WWP2: variants seen among roughly 807,000 people sequenced by gnomAD.
The protein encoded by WWP2 is NEDD4-like E3 ubiquitin-protein ligase WWP2.
A neutral mutation model predicts 121.0 loss-of-function variants in WWP2; 57 were observed. The ratio of observed to expected loss-of-function variants is 0.47; its 90% CI spans 0.38 to 0.59. The LOEUF (loss-of-function observed/expected upper bound fraction) is 0.59, where lower values mean the gene tolerates loss of function less well. Ranked by LOEUF, WWP2 falls within the 20% of genes least tolerant of loss-of-function variation. The probability of loss-of-function intolerance (pLI) is 0.00; values close to 1 mark genes in which losing one functional copy is unlikely to be tolerated. For missense variants in WWP2, 962 were observed against 1,158.9 expected, an observed-to-expected ratio of 0.83 and a Z score of 2.47; for synonymous variants, 449 against 441.3, an observed-to-expected ratio of 1.02 and a Z score of -0.22.
chr16:69,899,387 T>A (rs1180415599), intron 8 of WWP2, among the ~76,000 whole-genome samples: 1 of 152,098 alleles, frequency 6.6e-6, no homozygotes, highest in African/African-American at 2.4e-5. Flanking sequence ...CATTCCACAT[T>A]TTATTTATTC....
chr16:69,874,538 A>G (rs2057701691), intron 7 of WWP2, among the ~76,000 whole-genome samples: 1 of 152,182 alleles, frequency 6.6e-6, no homozygotes, highest in South Asian at 2.1e-4. Context: ...TTATGTTGTC[A>G]CAACCATAAA....
chr16:69,770,909 G>T (rs968123503), intron 1 of WWP2, among the ~76,000 whole-genome samples: 5 of 151,562 alleles, frequency 3.3e-5, no homozygotes, highest in African/African-American at 1.2e-4. Flanking sequence ...GAGGTAGGAG[G>T]ATCGCTTGAG....
intron 4 of WWP2, among the ~76,000 whole-genome samples, chr16:69,815,441 CA>C (rs1332462027): frequency 6.6e-6 from 1 of 150,706 alleles, no homozygotes; most frequent in Non-Finnish European, 1.5e-5. Flanking sequence ...ATGATCATGG[CA>C]CTGTATTCTA....
At chr16:69,796,047 G>T (rs1021803326) in intron 2 of WWP2, among the ~76,000 whole-genome samples, 1 of 151,118 alleles carries the variant, frequency 6.6e-6, no homozygotes, top group Non-Finnish European at 1.5e-5. Context: ...GATGGGCATC[G>T]ATAGGACAAT....
At chr16:69,795,655 T>G (rs1351067934) in intron 2 of WWP2, among the ~76,000 whole-genome samples, 1 of 128,660 alleles carries the variant, frequency 7.8e-6, no homozygotes, top group Admixed American at 8.1e-5. Flanking sequence ...GGAGGTTTTT[T>G]TTTTTTTTTT....
chr16:69,925,426 T>C lies in WWP2; in HGVS notation c.1180-4T>C. 6.2e-7 allele frequency: 1 copy of C among 1,614,034 alleles called. No homozygotes were observed. The highest frequency in any genetic ancestry group is 2.2e-5 in the East Asian group (1 of 44,878). On this transcript the variant is annotated splice_region_variant and splice_polypyrimidine_tract_variant and intron_variant, in intron 10 of 23. Coordinates refer to ENST00000359154, the MANE Select transcript of WWP2 (RefSeq NM_001270454.2). This position sits in a 1 kb window ranked among gnomAD's most constrained non-coding sequence, Gnocchi z 4.0. ...CTGTGTTCTGCTGTGTTTCTTGTGTTTAGTCTTCGAGTGCTTCGACTGACC... is the reference window on the plus strand; with the variant it reads ...CTGTGTTCTGCTGTGTTTCTTGTGTCTAGTCTTCGAGTGCTTCGACTGACC...
chr16:69,841,174 G>A (rs188951418), intron 5 of WWP2, among the ~76,000 whole-genome samples: 85 of 152,322 alleles, frequency 5.6e-4, no homozygotes, highest in Non-Finnish European at 1.0e-3. Flanking sequence ...ACTGCTTCAG[G>A]TTTACAGTCT....
intron 9 of WWP2, among the ~76,000 whole-genome samples, chr16:69,915,643 G>A (rs1286898194): frequency 6.6e-6 from 1 of 152,194 alleles, no homozygotes; most frequent in Non-Finnish European, 1.5e-5. Flanking sequence ...AGAGTTGAAA[G>A]TGGTTGCCTT....
intron 6 of WWP2, among the ~76,000 whole-genome samples, chr16:69,857,365 T>G (rs576985566): frequency 5.9e-5 from 9 of 152,328 alleles, no homozygotes; most frequent in African/African-American, 1.7e-4. Flanking sequence ...AGTGCTGGGA[T>G]TACAGGTGTG....
At chr16:69,837,240 A>AT (rs369250998) in intron 4 of WWP2, among the ~76,000 whole-genome samples, 5 of 151,744 alleles carry the variant, frequency 3.3e-5, no homozygotes, top group South Asian at 2.1e-4. Flanking sequence ...CTTTTAATTA[A>AT]TTTTTTTTAG....
chr16:69,767,494 G>T (rs11075734), intron 1 of WWP2, among the ~76,000 whole-genome samples: 37,704 of 152,050 alleles, frequency 0.25, 4,987 homozygotes, highest in East Asian at 0.4. Context: ...TTGCTTTTGA[G>T]CGACTTTGAG....
In WWP2 at chr16:69,925,789, G is replaced by A. The variant is rs1019746208; in HGVS notation, c.1234+305G>A. Among the ~76,000 whole-genome samples the A allele has an allele frequency of 1.3e-5, 2 of 152,196 alleles. No individual in the cohort carries two copies. The highest frequency in any genetic ancestry group is 4.8e-5 in the African/African-American group (2 of 41,456). On this transcript the variant is annotated intron_variant, in intron 11 of 23. Coordinates refer to ENST00000359154, the MANE Select transcript of WWP2 (RefSeq NM_001270454.2). This position sits in a 1 kb window ranked among gnomAD's most constrained non-coding sequence, Gnocchi z 4.0. ...TTGGCTTTTGGTCTTGAGTTTCAAG[G>A]TGTCTACTCAAGAGTCCATGCTACC...
Position 69,872,288 on chromosome 16 carries a change from C to T in WWP2, c.703+357C>T, listed in dbSNP as rs188701418. On this transcript the variant is annotated intron_variant, in intron 7 of 23. Transcript: ENST00000359154. ...CTGGAGTGCAGTGGCGTGATCTCGGCTCACTGCAAGCTCCGCCTCCCGGGT... is the reference window on the plus strand; with the variant it reads ...CTGGAGTGCAGTGGCGTGATCTCGGTTCACTGCAAGCTCCGCCTCCCGGGT... 2.2e-3 allele frequency among the ~76,000 whole-genome samples: 331 copies of T among 151,918 alleles called. 2 individuals are homozygous for T. Among genetic ancestry groups the T allele is most frequent in the South Asian group, 5.6e-3 (27 of 4,816 alleles).
In WWP2 at chr16:69,937,914, A is replaced by C. The variant is rs2058824371; in HGVS notation, c.2343+262A>C. ...AGGGACAGACCTGCAGGCAGACAGC[A>C]GCTGCCACTGGTTGAGAGGTCCCCT... On this transcript the variant is annotated intron_variant, in intron 21 of 23. Coordinates refer to ENST00000359154, the MANE Select transcript of WWP2 (RefSeq NM_001270454.2). This position sits in a 1 kb window ranked among gnomAD's most constrained non-coding sequence, Gnocchi z 6.6. Among the ~76,000 whole-genome samples the C allele has an allele frequency of 2.0e-5, 3 of 152,224 alleles. No homozygotes were observed.
In WWP2 at chr16:69,892,627, G is replaced by C. The variant is rs76170784; in HGVS notation, c.914+4378G>C. Among the ~76,000 whole-genome samples the C allele has an allele frequency of 5.7e-3, 866 of 152,212 alleles. 9 individuals carry two copies. Among genetic ancestry groups the C allele is most frequent in the African/African-American group, 0.02 (827 of 41,550 alleles). On this transcript the variant is annotated intron_variant, in intron 8 of 23. Coordinates refer to ENST00000359154, the MANE Select transcript of WWP2 (RefSeq NM_001270454.2). The stretch of plus-strand genomic sequence containing the variant: ...TGGCTCACTGCAGCCTCAGCCTCAC[G>C]GGCTCAAGTGATCCTCCCACCTCAG...
chr16:69,815,113 C>G (rs2056464306), intron 4 of WWP2, among the ~76,000 whole-genome samples: 1 of 152,064 alleles, frequency 6.6e-6, no homozygotes, highest in South Asian at 2.1e-4. Flanking sequence ...AGCGATTCTC[C>G]TGCCTCAGAC....
chr16:69,897,732 AC>A (rs1418102253), intron 8 of WWP2, among the ~76,000 whole-genome samples: 2 of 151,780 alleles, frequency 1.3e-5, no homozygotes, highest in African/African-American at 2.4e-5. Flanking sequence ...ATGTGGTGAA[AC>A]CCCATCTCTA....
chr16:69,873,475 G>T (rs989765963), intron 7 of WWP2, among the ~76,000 whole-genome samples: 1 of 152,240 alleles, frequency 6.6e-6, no homozygotes, highest in Non-Finnish European at 1.5e-5. Flanking sequence ...AGGAGGAGCT[G>T]CAGGTGGGGA....
intron 4 of WWP2, among the ~76,000 whole-genome samples, chr16:69,838,401 G>A (rs895261632): frequency 6.7e-6 from 1 of 149,174 alleles, no homozygotes; most frequent in Non-Finnish European, 1.5e-5. Flanking sequence ...AGAGACTTAG[G>A]TACTGGATCT....
Sources: allele counts gnomAD v4.1 joint callset (sites outside exome capture counted in the v4.1 genomes callset), GRCh38; gene constraint gnomAD v4.1.1; non-coding constraint Gnocchi (gnomAD v3.1); transcripts MANE v1.5; gene names NCBI Gene and HGNC (gene_info 2026-07-23, HGNC 2026-07-21).